The following GALNT14 variants were observed in gnomAD, a reference collection of about 807,000 sequenced individuals.
GALNT14 encodes polypeptide N-acetylgalactosaminyltransferase 14, also known as UDP-GalNAc:polypeptide N-acetylgalactosaminyltransferase 14.
A neutral mutation model predicts 77.5 loss-of-function variants in GALNT14; 60 were observed. The observed-to-expected ratio is 0.77, with a 90% CI of 0.63 to 0.96. The LOEUF (loss-of-function observed/expected upper bound fraction) is 0.96, where lower values mean the gene tolerates loss of function less well. Among genes scored for constraint, GALNT14 ranks in the 40% least tolerant of loss-of-function variants. The probability of loss-of-function intolerance (pLI) is 0.00; values close to 1 mark genes in which losing one functional copy is unlikely to be tolerated. For synonymous variants in GALNT14, 280 were observed against 281.7 expected (o/e 0.99, Z 0.06); for missense variants, 710 against 731.0 (o/e 0.97, Z 0.33).
At chr2:30,952,448 A>T (rs913819642) in intron 6 of GALNT14, among the ~76,000 whole-genome samples, 33 of 151,512 alleles carry the variant, frequency 2.2e-4, no homozygotes, top group African/African-American at 6.6e-4. Flanking sequence ...TGATGAGTTC[A>T]TGTCCTTTGT....
At chr2:30,979,330 G>C (rs531889882) in intron 2 of GALNT14, among the ~76,000 whole-genome samples, 50 of 152,280 alleles carry the variant, frequency 3.3e-4, no homozygotes, top group Non-Finnish European at 5.9e-4. Context: ...CAGGGCTTGG[G>C]TGAAAGTCTG....
chr2:31,004,269 C>T (rs1322769742), intron 1 of GALNT14, among the ~76,000 whole-genome samples: 4 of 152,022 alleles, frequency 2.6e-5, no homozygotes, highest in Admixed American at 2.6e-4. Flanking sequence ...ACAGGGGACT[C>T]AGGAAAAAAA....
rs368691936 is a variant in GALNT14, at chr2:31,047,899, G to T, written c.130-54892C>A. On this transcript the variant is annotated intron_variant, in intron 1 of 14. Coordinates refer to ENST00000349752, the MANE Select transcript of GALNT14 (RefSeq NM_024572.4). Reference sequence around the variant, plus strand: ...GAATGACACACACCAGGAGCTGTGGGGTGGGCACCGAAGCTGGCCCACCTT... The same window carrying T: ...GAATGACACACACCAGGAGCTGTGGTGTGGGCACCGAAGCTGGCCCACCTT... 2.0e-5 allele frequency among the ~76,000 whole-genome samples: 3 copies of T among 152,226 alleles called. No homozygotes were observed. The East Asian group carries it at 5.8e-4, about 29-fold the overall frequency.
intron 1 of GALNT14, among the ~76,000 whole-genome samples, chr2:31,024,792 A>G (rs1156382650): frequency 1.3e-5 from 2 of 152,230 alleles, no homozygotes; most frequent in Non-Finnish European, 2.9e-5. Flanking sequence ...CTGAACAAAT[A>G]CCAGGCCCAA....
Position 31,038,084 on chromosome 2 carries a change from ATTTTTTTTTTTT to A in GALNT14, c.130-45089_130-45078del, listed in dbSNP as rs1196402402. On this transcript the variant is annotated intron_variant, in intron 1 of 14. Transcript: ENST00000349752. ...ATTTGCCATATATATATATATATAT[ATTTTTTTTTTTT>A]TTTTTTTTTTTTTTTTTAGATGGAG... Among the ~76,000 whole-genome samples the A allele has an allele frequency of 2.7e-3, 142 of 52,460 alleles. 1 individual carries two copies. Among genetic ancestry groups the A allele is most frequent in the Non-Finnish European group, 3.1e-3 (96 of 30,808 alleles). 34.4% of individuals were successfully genotyped at this position (52,460 alleles called of 152,430 possible).
intron 9 of GALNT14, among the ~76,000 whole-genome samples, chr2:30,940,212 T>C (rs1666298603): frequency 6.6e-6 from 1 of 152,204 alleles, no homozygotes; most frequent in South Asian, 2.1e-4. Context: ...TCAGCCCTTG[T>C]TGATGCCAAA....
At chr2:30,978,638 G>T (rs1417628160) in intron 2 of GALNT14, among the ~76,000 whole-genome samples, 4 of 152,154 alleles carry the variant, frequency 2.6e-5, no homozygotes, top group African/African-American at 9.7e-5. Context: ...CTGTTCTGAG[G>T]ATTCACTCGC....
intron 13 of GALNT14, among the ~76,000 whole-genome samples, chr2:30,917,648 T>A (rs73921192): frequency 0.01 from 1,541 of 152,354 alleles, 30 homozygotes; most frequent in African/African-American, 0.035. Flanking sequence ...CCAGGCCTGG[T>A]GCTAGTTGCT....
At chr2:30,947,685 A>C (rs1666784898) in intron 6 of GALNT14, among the ~76,000 whole-genome samples, 1 of 152,220 alleles carries the variant, frequency 6.6e-6, no homozygotes, top group African/African-American at 2.4e-5. Flanking sequence ...CCCTTTGGCC[A>C]GCACAGGCAG....
chr2:31,127,731 C>T (rs1041125930), intron 1 of GALNT14, among the ~76,000 whole-genome samples: 2 of 152,176 alleles, frequency 1.3e-5, no homozygotes, highest in African/African-American at 4.8e-5. Flanking sequence ...CCAAAATATA[C>T]ACTCAATTTT....
the GALNT14 span, among the ~76,000 whole-genome samples, chr2:30,900,387 T>C: frequency 6.6e-6 from 1 of 152,228 alleles, no homozygotes; most frequent in Non-Finnish European, 1.5e-5. Flanking sequence ...TACAACAAGA[T>C]TTTTATTGTT....
chr2:30,962,750 G>A (rs1667770859), intron 3 of GALNT14, among the ~76,000 whole-genome samples: 1 of 152,140 alleles, frequency 6.6e-6, no homozygotes, highest in African/African-American at 2.4e-5. Flanking sequence ...CTGGGCAGGG[G>A]GGTTGCAAAG....
chr2:31,095,562 C>T (rs1471434464), intron 1 of GALNT14, among the ~76,000 whole-genome samples: 1 of 152,068 alleles, frequency 6.6e-6, no homozygotes, highest in African/African-American at 2.4e-5. Flanking sequence ...GACACTAGAT[C>T]ACTGAAAAAG....
intron 2 of GALNT14, among the ~76,000 whole-genome samples, chr2:30,977,243 G>C (rs777919499): frequency 1.3e-5 from 2 of 152,042 alleles, no homozygotes; most frequent in Non-Finnish European, 2.9e-5. Context: ...GCATGCGCCA[G>C]TATGCCCAGC....
At chr2:30,985,074 T>G (rs1669213029) in intron 2 of GALNT14, among the ~76,000 whole-genome samples, 1 of 151,784 alleles carries the variant, frequency 6.6e-6, no homozygotes, top group Non-Finnish European at 1.5e-5. Flanking sequence ...GAGTGGAGAC[T>G]AGTTCCTAAC....
chr2:31,064,589 A>G (rs774910844), intron 1 of GALNT14, among the ~76,000 whole-genome samples: 19 of 152,226 alleles, frequency 1.2e-4, no homozygotes, highest in Non-Finnish European at 2.5e-4. Context: ...AGAATACCCA[A>G]GAGTGGATGT....
chr2:30,938,673 T>TGA (rs1198054088), intron 9 of GALNT14, among the ~76,000 whole-genome samples: 1 of 152,214 alleles, frequency 6.6e-6, no homozygotes, highest in Non-Finnish European at 1.5e-5. Context: ...CGTGAGTGTA[T>TGA]GAGACACGGC....
At position 31,068,017 on chromosome 2, in the gene GALNT14, G is replaced by A. The variant is rs1017635094; in HGVS notation, c.129+69941C>T. On this transcript the variant is annotated intron_variant, in intron 1 of 14. Transcript: ENST00000349752. ...TCTCTGTACCTGAAACAAAGCTCAG[G>A]AGCCACCCCTTCCTCCTGCCTCAAG... 3.3e-5 allele frequency among the ~76,000 whole-genome samples: 5 copies of A among 152,172 alleles called. No individual in the cohort carries two copies. The South Asian group carries it at 6.2e-4, about 19-fold the overall frequency.
intron 1 of GALNT14, among the ~76,000 whole-genome samples, chr2:31,049,317 C>T (rs1404690881): frequency 6.6e-6 from 1 of 152,168 alleles, no homozygotes; most frequent in African/African-American, 2.4e-5. Context: ...GATTTTTGCT[C>T]AAGACTACCC....
Sources: gnomAD v4.1 joint callset for allele counts (sites outside exome capture counted in the v4.1 genomes callset) on GRCh38, gnomAD v4.1.1 for gene constraint, MANE v1.5 for transcripts, NCBI Gene and HGNC (gene_info 2026-07-23, HGNC 2026-07-21) for gene names.